Variants in DPP10 observed in about 807,000 individuals in gnomAD.
DPP10 encodes the protein dipeptidyl peptidase like 10.
DPP10 carries 33 observed loss-of-function variants against 120.9 expected under a neutral mutation model. The observed-to-expected ratio is 0.27, with a 90% CI of 0.21 to 0.37. The LOEUF is 0.37. Among genes scored for constraint, DPP10 ranks in the 10% least tolerant of loss-of-function variants. The pLI is 1.00. For missense variants in DPP10, 816 were observed against 942.8 expected, an observed-to-expected ratio of 0.87 and a Z score of 1.76; for synonymous variants, 337 against 326.1, an observed-to-expected ratio of 1.03 and a Z score of -0.36.
intron 1 of DPP10, among the ~76,000 whole-genome samples, chr2:114,776,689 A>G (rs1265715857): frequency 6.6e-6 from 1 of 152,164 alleles, no homozygotes; most frequent in Non-Finnish European, 1.5e-5. Flanking sequence ...AGATCAAAAA[A>G]TTTGTTGGAT....
intron 10 of DPP10, among the ~76,000 whole-genome samples, chr2:115,752,503 A>C (rs1678874075): frequency 6.6e-6 from 1 of 152,148 alleles, no homozygotes; most frequent in Non-Finnish European, 1.5e-5. Flanking sequence ...AATTTGATTC[A>C]TTTCTTGTTT....
chr2:115,236,645 A>G (rs755908882), intron 1 of DPP10, among the ~76,000 whole-genome samples: 5 of 152,214 alleles, frequency 3.3e-5, no homozygotes, highest in Admixed American at 6.5e-5. Flanking sequence ...GAAGGTATCA[A>G]AATTAAAACC....
At chr2:115,227,975 G>A (rs905941760) in intron 1 of DPP10, among the ~76,000 whole-genome samples, 1 of 148,326 alleles carries the variant, frequency 6.7e-6, no homozygotes. Flanking sequence ...AGGCTAGAGT[G>A]CAGTAGTGTG....
At chr2:114,906,019 T>A (rs534244321) in intron 1 of DPP10, among the ~76,000 whole-genome samples, 7 of 152,334 alleles carry the variant, frequency 4.6e-5, no homozygotes, top group African/African-American at 1.7e-4. Context: ...TGTATCTGAA[T>A]GTCTTTTATT....
At chr2:114,757,287 C>A in intron 1 of DPP10, among the ~76,000 whole-genome samples, 1 of 109,400 alleles carries the variant, frequency 9.1e-6, no homozygotes, top group Admixed American at 1.3e-4. Context: ...AGAATGGGGG[C>A]GAGAGAAAGG....
At chr2:115,163,081 G>A in intron 1 of DPP10, among the ~76,000 whole-genome samples, 1 of 152,254 alleles carries the variant, frequency 6.6e-6, no homozygotes, top group East Asian at 1.9e-4. Context: ...ATCTTTGTTC[G>A]GAGTGCGCTG....
chr2:115,078,192 T>C (rs1707954206), intron 1 of DPP10, among the ~76,000 whole-genome samples: 1 of 152,200 alleles, frequency 6.6e-6, no homozygotes, highest in Non-Finnish European at 1.5e-5. Flanking sequence ...TAAATATTGT[T>C]AAATTAAAAT....
chr2:114,631,734 T>G (rs1045134612), intron 1 of DPP10, among the ~76,000 whole-genome samples: 2 of 152,180 alleles, frequency 1.3e-5, no homozygotes, highest in African/African-American at 4.8e-5. Flanking sequence ...TAGGGACAAT[T>G]GCTTTCAGGA....
At chr2:115,521,763 T>C (rs1449048140) in intron 4 of DPP10, among the ~76,000 whole-genome samples, 1 of 152,262 alleles carries the variant, frequency 6.6e-6, no homozygotes. Context: ...ATCTAACTAG[T>C]TTTTCACCCA....
At chr2:115,096,165 C>T (rs1455063697) in intron 1 of DPP10, among the ~76,000 whole-genome samples, 1 of 152,066 alleles carries the variant, frequency 6.6e-6, no homozygotes, top group African/African-American at 2.4e-5. Flanking sequence ...GAGCTTTAGG[C>T]TTGTGGGTCA....
intron 1 of DPP10, among the ~76,000 whole-genome samples, chr2:115,191,627 G>A (rs538250618): frequency 6.6e-6 from 1 of 152,312 alleles, no homozygotes; most frequent in East Asian, 1.9e-4. Flanking sequence ...TAGGACTATG[G>A]CCCATGACTT....
intron 1 of DPP10, among the ~76,000 whole-genome samples, chr2:114,721,853 T>C (rs1574041629): frequency 6.6e-6 from 1 of 152,364 alleles, no homozygotes; most frequent in East Asian, 1.9e-4. Context: ...TCCAGACAAC[T>C]TGAGACTCTA....
At chr2:115,678,818 C>A (rs1201313468) in intron 5 of DPP10, among the ~76,000 whole-genome samples, 1 of 152,194 alleles carries the variant, frequency 6.6e-6, no homozygotes, top group East Asian at 1.9e-4. Flanking sequence ...TGGAGATGCC[C>A]AAGGTTGTGG....
rs1043950803 is a variant in DPP10 at position 115,157,960 on chromosome 2, G to A, written c.61-151279G>A. ...AAGGAAAATGCAGTGAGGGTTTCTAGCAACTAGCTGCTTGTGGAGTACTGT... is the reference window on the plus strand; with the variant it reads ...AAGGAAAATGCAGTGAGGGTTTCTAACAACTAGCTGCTTGTGGAGTACTGT... On this transcript the variant is annotated intron_variant, in intron 1 of 25. Transcript: ENST00000410059. 2.0e-5 allele frequency among the ~76,000 whole-genome samples: 3 copies of A among 152,292 alleles called. No homozygotes were observed. In the South Asian group the frequency reaches 6.2e-4, roughly 32 times the overall value.
chr2:115,068,288 G>T (rs1212180620), intron 1 of DPP10, among the ~76,000 whole-genome samples: 1 of 149,686 alleles, frequency 6.7e-6, no homozygotes, highest in Non-Finnish European at 1.5e-5. Flanking sequence ...TGAGGTTATT[G>T]TGGTTTTAAT....
At chr2:115,670,131 G>A (rs1278662832) in intron 5 of DPP10, among the ~76,000 whole-genome samples, 1 of 151,990 alleles carries the variant, frequency 6.6e-6, no homozygotes, top group Non-Finnish European at 1.5e-5. Flanking sequence ...CAGAGAATAA[G>A]CACACTTTCT....
intron 1 of DPP10, among the ~76,000 whole-genome samples, chr2:115,198,115 T>G (rs2055421540): frequency 1.3e-5 from 2 of 152,218 alleles, no homozygotes; most frequent in Admixed American, 6.5e-5. Flanking sequence ...TTAATCTTGC[T>G]TTCTTGGAAA....
intron 1 of DPP10, among the ~76,000 whole-genome samples, chr2:114,544,997 G>A (rs1001769577): frequency 6.6e-5 from 10 of 151,834 alleles, no homozygotes; most frequent in Non-Finnish European, 1.2e-4. Context: ...GATTACAGGC[G>A]CCCGCCACCA....
intron 1 of DPP10, among the ~76,000 whole-genome samples, chr2:114,617,029 C>T (rs529367137): frequency 6.6e-6 from 1 of 152,236 alleles, no homozygotes; most frequent in South Asian, 2.1e-4. Flanking sequence ...AAATTAAATA[C>T]CACCAGTTAA....
Sources: gnomAD v4.1 joint callset for allele counts (sites outside exome capture counted in the v4.1 genomes callset) on GRCh38, gnomAD v4.1.1 for gene constraint, MANE v1.5 for transcripts, NCBI Gene and HGNC (gene_info 2026-07-23, HGNC 2026-07-21) for gene names.